Variants in DIXDC1 observed in about 807,000 individuals in gnomAD.
DIXDC1 encodes the protein dixin.
In DIXDC1, 64 loss-of-function variants were observed where a neutral mutation model predicts 103.1. The observed-to-expected ratio is 0.62, with a 90% CI of 0.51 to 0.76. The LOEUF is 0.76. Among genes scored for constraint, DIXDC1 ranks in the 30% least tolerant of loss-of-function variants. The pLI is 0.00. For synonymous variants in DIXDC1, 266 were observed against 298.5 expected (o/e 0.89, Z 1.12); for missense variants, 759 against 834.2 (o/e 0.91, Z 1.11).
At chr11:111,985,054 C>T (rs1301315972) in intron 7 of DIXDC1, among the ~76,000 whole-genome samples, 178 bp from the exon 8 acceptor site, 1 of 152,146 alleles carries the variant, frequency 6.6e-6, no homozygotes, top group Non-Finnish European at 1.5e-5. Context: ...ATGGACCTAA[C>T]GAAAGGAACT....
chr11:111,959,500 A>G (rs1339811023), intron 1 of DIXDC1, among the ~76,000 whole-genome samples: 2 of 151,164 alleles, frequency 1.3e-5, no homozygotes, highest in South Asian at 4.2e-4. Flanking sequence ...CAGTGGCTGG[A>G]CCCCATGTTC....
chr11:111,947,766 G>A (rs587666917), intron 1 of DIXDC1, among the ~76,000 whole-genome samples: 3 of 152,174 alleles, frequency 2.0e-5, no homozygotes, highest in Non-Finnish European at 2.9e-5. Flanking sequence ...ACAGATTCAC[G>A]TCAGCATGCA....
intron 1 of DIXDC1, among the ~76,000 whole-genome samples, chr11:111,959,785 A>G (rs1331314444): frequency 6.6e-6 from 1 of 152,228 alleles, no homozygotes; most frequent in East Asian, 1.9e-4. Flanking sequence ...CTTTTTGCTA[A>G]GTCTAAGATT....
intron 3 of DIXDC1, among the ~76,000 whole-genome samples, chr11:111,971,722 G>GTATATCTATATCTATA (rs1566506369): frequency 1.7e-5 from 2 of 119,194 alleles, no homozygotes; most frequent in African/African-American, 6.5e-5. Flanking sequence ...AAAATGTGGT[G>GTATATCTATATCTATA]TGTATATCTA....
Position 111,993,667 on chromosome 11 carries a change from AG to A in DIXDC1, c.1366del. ...TTTTCTGATTTAGTGTCTATTTTGC[AG>A]GTGGATCTAGAGCGAGAGCTAGAAC... On this transcript the variant is annotated splice_acceptor_variant, in intron 13 of 19. Transcript: ENST00000440460. LOFTEE classifies it high-confidence loss of function. The A allele has an allele frequency of 6.2e-7, 1 of 1,614,044 alleles. No individual in the cohort carries two copies. Among genetic ancestry groups the A allele is most frequent in the Non-Finnish European group, 8.5e-7 (1 of 1,179,894 alleles).
At chr11:111,988,027 T>G (rs587734088) in intron 9 of DIXDC1, among the ~76,000 whole-genome samples, 1 of 151,852 alleles carries the variant, frequency 6.6e-6, no homozygotes, top group Admixed American at 6.6e-5. Flanking sequence ...TGAGACAGAG[T>G]CTCACTCTGT....
In DIXDC1 at chr11:112,021,406, C is replaced by T. The variant is rs1182019069; in HGVS notation, c.*2370C>T. ...ATTCCAGTTTCCAAAGCGAGAGGAG[C>T]CTTCTGAGCAGAAGTATGCAAGACT... is the stretch of plus-strand genomic sequence containing the variant. On this transcript the variant is annotated 3_prime_UTR_variant, in exon 20 of 20. Transcript: ENST00000440460. 1.3e-5 allele frequency: 2 copies of T among 152,126 alleles called. No homozygotes were observed. Among genetic ancestry groups the T allele is most frequent in the African/African-American group, 4.8e-5 (2 of 41,394 alleles). 9.4% of individuals were successfully genotyped at this position (152,126 alleles called of 1,614,324 possible). A position where few individuals can be genotyped will look rare whatever the true frequency, so the allele number is the denominator to read the frequency against.
intron 1 of DIXDC1, among the ~76,000 whole-genome samples, chr11:111,947,096 G>C (rs1372271765): frequency 2.6e-5 from 4 of 151,818 alleles, no homozygotes; most frequent in African/African-American, 7.3e-5. Context: ...CAGCTGCTGT[G>C]TGAAGCCCTT....
intron 1 of DIXDC1, among the ~76,000 whole-genome samples, chr11:111,938,702 C>T (rs1555168512): frequency 6.6e-6 from 1 of 152,212 alleles, no homozygotes; most frequent in East Asian, 1.9e-4. Context: ...AATTAAGAAG[C>T]TCTGCAGCCT....
intron 1 of DIXDC1, among the ~76,000 whole-genome samples, chr11:111,962,676 T>C (rs1412826000): frequency 3.3e-5 from 5 of 152,138 alleles, no homozygotes; most frequent in Non-Finnish European, 5.9e-5. Context: ...TGAGGATAAT[T>C]GGAGACAAGT....
chr11:111,927,529 T>C, intron 1 of DIXDC1: 1 of 152,372 alleles, frequency 6.6e-6, no homozygotes, highest in Non-Finnish European at 1.5e-5. Flanking sequence ...CTCAGCCTTG[T>C]ACATTCTTAG....
intron 1 of DIXDC1, among the ~76,000 whole-genome samples, chr11:111,955,143 C>G (rs587715089): frequency 6.6e-6 from 1 of 152,072 alleles, no homozygotes; most frequent in African/African-American, 2.4e-5. Context: ...ATAGCTCAGC[C>G]TGGGCAACAT....
At chr11:111,964,416 C>A in intron 1 of DIXDC1, 133 bp from the exon 2 acceptor site, 1 of 976,154 alleles carries the variant, frequency 1.0e-6, no homozygotes, top group Non-Finnish European at 1.5e-6. Context: ...TCTCTCTTTC[C>A]TCAAAAATTT....
chr11:111,993,435 G>C, intron 12 of DIXDC1, 61 bp from the exon 13 acceptor site: 1 of 1,585,848 alleles, frequency 6.3e-7, no homozygotes, highest in South Asian at 1.1e-5. Context: ...ACACTGCAGA[G>C]GGTGAACTTT....
intron 17 of DIXDC1, among the ~76,000 whole-genome samples, chr11:112,014,822 C>T (rs1349535912): frequency 6.6e-6 from 1 of 151,530 alleles, no homozygotes; most frequent in Non-Finnish European, 1.5e-5. Context: ...CCACTGTGTG[C>T]TGGGCACTGT....
intron 2 of DIXDC1, among the ~76,000 whole-genome samples, chr11:111,967,042 C>T (rs1859762473): frequency 6.6e-6 from 1 of 152,198 alleles, no homozygotes; most frequent in Non-Finnish European, 1.5e-5. Context: ...TTTCTTCCTT[C>T]CTCTCAGGCT....
At chr11:111,983,714 A>G (rs1860400493) in intron 7 of DIXDC1, among the ~76,000 whole-genome samples, 1 of 152,222 alleles carries the variant, frequency 6.6e-6, no homozygotes, top group South Asian at 2.1e-4. Context: ...GAGAAATTCG[A>G]TGGCAGATTA....
At chr11:111,937,274 T>G, upstream of DIXDC1, 1 of 1,302,862 alleles carries the variant, frequency 7.7e-7, no homozygotes, top group Non-Finnish European at 9.7e-7. Flanking sequence ...GTTGTTTCCA[T>G]AGGAACCGCG....
intron 17 of DIXDC1, among the ~76,000 whole-genome samples, chr11:112,005,185 A>T (rs587666899): frequency 6.6e-6 from 1 of 152,242 alleles, no homozygotes; most frequent in African/African-American, 2.4e-5. Flanking sequence ...CACTATAAAT[A>T]TAATGATATA....
Sources: gnomAD v4.1 joint callset for allele counts (sites outside exome capture counted in the v4.1 genomes callset) on GRCh38, gnomAD v4.1.1 for gene constraint, MANE v1.5 for transcripts, NCBI Gene and HGNC (gene_info 2026-07-23, HGNC 2026-07-21) for gene names.